Variants in IPCEF1 observed in about 807,000 individuals in gnomAD.
IPCEF1 encodes the protein interaction protein for cytohesin exchange factors 1, also known as interactor protein for cytohesin exchange factors 1.
A neutral mutation model predicts 50.9 loss-of-function variants in IPCEF1; 31 were observed. That is an observed-to-expected ratio of 0.61 (90% confidence interval 0.46 to 0.82). The LOEUF (loss-of-function observed/expected upper bound fraction) is 0.82. IPCEF1 is among the 40% of genes least tolerant of loss of function. IPCEF1 has a pLI of 0.00. For synonymous variants in IPCEF1, 181 were observed against 192.0 expected, an observed-to-expected ratio of 0.94 and a Z score of 0.47; for missense variants, 458 against 514.0, an observed-to-expected ratio of 0.89 and a Z score of 1.05.
intron 1 of IPCEF1, among the ~76,000 whole-genome samples, chr6:154,295,183 G>C (rs2128671394): frequency 6.6e-6 from 1 of 151,862 alleles, no homozygotes; most frequent in African/African-American, 2.4e-5. Context: ...GGGCGACAGA[G>C]TGAGACACCA....
intron 10 of IPCEF1, among the ~76,000 whole-genome samples, chr6:154,198,639 C>T (rs568295075): frequency 1.3e-5 from 2 of 150,402 alleles, no homozygotes; most frequent in Non-Finnish European, 3.0e-5. Flanking sequence ...CATACACACA[C>T]ACACACACAC....
At chr6:154,277,632 T>C (rs953467307) in intron 2 of IPCEF1, among the ~76,000 whole-genome samples, 16 of 152,334 alleles carry the variant, frequency 1.1e-4, no homozygotes, top group Admixed American at 3.3e-4. Flanking sequence ...GCATTGGCTC[T>C]TTTATTGGTT....
Position 154,294,994 on chromosome 6 carries a change from C to T in IPCEF1, c.-61-5238G>A, listed in dbSNP as rs187879911. ...CGGGCACATTATGAGGTCAGGAGATCGAGACCAGCCTGGCTAACACGGTGA... is the reference window on the plus strand; with the variant it reads ...CGGGCACATTATGAGGTCAGGAGATTGAGACCAGCCTGGCTAACACGGTGA... On this transcript the variant is annotated intron_variant, in intron 1 of 11. Coordinates refer to ENST00000367220, the MANE Select transcript of IPCEF1 (RefSeq NM_001130700.2). Among the ~76,000 whole-genome samples the T allele has an allele frequency of 2.2e-3, 329 of 152,224 alleles. 1 individual carries two copies. Among genetic ancestry groups the T allele is most frequent in the African/African-American group, 7.5e-3 (310 of 41,558 alleles).
At chr6:154,345,534 G>A (rs1424764803) in intron 1 of IPCEF1, among the ~76,000 whole-genome samples, 2 of 152,178 alleles carry the variant, frequency 1.3e-5, no homozygotes, top group Non-Finnish European at 2.9e-5. Flanking sequence ...CCAAAAGAGA[G>A]CTGCTGCCAC....
At chr6:154,326,214 C>G (rs1783514525) in intron 1 of IPCEF1, among the ~76,000 whole-genome samples, 2 of 144,366 alleles carry the variant, frequency 1.4e-5, no homozygotes, top group Admixed American at 6.9e-5. Flanking sequence ...AGAGCCAGAC[C>G]TTGTCTCAAA....
rs985871456 is a variant in IPCEF1 at position 154,186,596 on chromosome 6, G to A, written c.910+13072C>T. ...TTTTGAGACGGAGTCTCGCTTTGTC[G>A]CCCAGGCTGGAGTGCAGTGGTGCGA... On this transcript the variant is annotated intron_variant, in intron 10 of 11. Transcript: ENST00000367220. 6.6e-5 allele frequency among the ~76,000 whole-genome samples: 10 copies of A among 151,198 alleles called. No homozygotes were observed. The Middle Eastern group carries it at 0.01, about 154-fold the overall frequency.
chr6:154,320,893 C>G (rs1049983475), intron 1 of IPCEF1, among the ~76,000 whole-genome samples: 2 of 152,102 alleles, frequency 1.3e-5, no homozygotes, highest in Non-Finnish European at 2.9e-5. Context: ...GAGACACTCA[C>G]ACATATACAT....
In IPCEF1 at chr6:154,159,700, T is replaced by G; in HGVS notation, c.*128A>C. On this transcript the variant is annotated 3_prime_UTR_variant, in exon 12 of 12. Transcript: ENST00000367220. ...TGATTATCTTCATCTAACGTGCATC[T>G]TTAGATGGGAAGCTGATGCTTGAAG... 1 of 710,078 alleles carries G rather than the reference T, an allele frequency of 1.4e-6. No individual in the cohort carries two copies. The highest frequency in any genetic ancestry group is 2.4e-6 in the Non-Finnish European group (1 of 414,202). 44.0% of individuals were successfully genotyped at this position (710,078 alleles called of 1,614,324 possible). A position where few individuals can be genotyped will look rare whatever the true frequency, so the allele number is the denominator to read the frequency against.
At chr6:154,185,513 C>A (rs1998221) in intron 10 of IPCEF1, among the ~76,000 whole-genome samples, 68,943 of 151,988 alleles carry the variant, frequency 0.45, 16,280 homozygotes, top group African/African-American at 0.55. Context: ...GTTTGTATGG[C>A]TGATATAATA....
chr6:154,244,241 TG>T (rs1780834538), intron 5 of IPCEF1, among the ~76,000 whole-genome samples: 1 of 152,042 alleles, frequency 6.6e-6, no homozygotes. Context: ...AAGCATTCAT[TG>T]AGTAGCCTTT....
chr6:154,295,066 C>CG (rs893123436), intron 1 of IPCEF1, among the ~76,000 whole-genome samples: 2 of 151,842 alleles, frequency 1.3e-5, no homozygotes, highest in African/African-American at 2.4e-5. Flanking sequence ...GGTGTGGTGG[C>CG]GGTCCCCTGT....
chr6:154,293,807 C>T (rs1286912606), intron 1 of IPCEF1, among the ~76,000 whole-genome samples: 1 of 152,148 alleles, frequency 6.6e-6, no homozygotes, highest in Admixed American at 6.5e-5. Flanking sequence ...AGGCCAAATA[C>T]AGTAAAGGAA....
At chr6:154,195,019 C>CT in intron 10 of IPCEF1, among the ~76,000 whole-genome samples, 1 of 152,182 alleles carries the variant, frequency 6.6e-6, no homozygotes, top group East Asian at 1.9e-4. Flanking sequence ...AACCCCTCAT[C>CT]TCCCCTTCCT....
intron 1 of IPCEF1, among the ~76,000 whole-genome samples, chr6:154,332,615 A>T (rs1464014375): frequency 1.3e-5 from 2 of 152,248 alleles, no homozygotes; most frequent in Non-Finnish European, 1.5e-5. Context: ...CATTTTATAC[A>T]GGTTCTGCTT....
At chr6:154,170,237 C>T (rs1388655605) in intron 10 of IPCEF1, among the ~76,000 whole-genome samples, 1 of 152,184 alleles carries the variant, frequency 6.6e-6, no homozygotes, top group Non-Finnish European at 1.5e-5. Flanking sequence ...TTTTCCACCA[C>T]ATACTCCTTA....
intron 1 of IPCEF1, among the ~76,000 whole-genome samples, chr6:154,315,121 G>A (rs1783181909): frequency 1.3e-5 from 2 of 152,126 alleles, no homozygotes; most frequent in South Asian, 4.1e-4. Flanking sequence ...GACCTCAAAT[G>A]ATCTGCCCGC....
chr6:154,226,808 C>T (rs1306952198), intron 5 of IPCEF1, among the ~76,000 whole-genome samples: 1 of 152,106 alleles, frequency 6.6e-6, no homozygotes, highest in Non-Finnish European at 1.5e-5. Flanking sequence ...GGATGAAAGA[C>T]CCTTTATAAT....
chr6:154,236,957 T>C (rs1410026472), intron 5 of IPCEF1, among the ~76,000 whole-genome samples: 1 of 152,256 alleles, frequency 6.6e-6, no homozygotes, highest in African/African-American at 2.4e-5. Flanking sequence ...CCCTAAATTC[T>C]GACTCCTTAC....
chr6:154,251,315 C>T (rs1173504710), intron 3 of IPCEF1, among the ~76,000 whole-genome samples: 2 of 151,698 alleles, frequency 1.3e-5, no homozygotes, highest in Non-Finnish European at 2.9e-5. Flanking sequence ...TTTGGGAGGC[C>T]GGGGTGGGAG....
Sources: allele counts gnomAD v4.1 joint callset (sites outside exome capture counted in the v4.1 genomes callset), GRCh38; gene constraint gnomAD v4.1.1; transcripts MANE v1.5; gene names NCBI Gene and HGNC (gene_info 2026-07-23, HGNC 2026-07-21).